Variants in NRXN1 observed in about 807,000 individuals in gnomAD.
The protein encoded by NRXN1 is neurexin 1, also known as neurexin-1.
Under a neutral mutation model 150.9 loss-of-function variants are expected in NRXN1, and 39 were observed. That is an observed-to-expected ratio of 0.26 (90% CI 0.20 to 0.34). The LOEUF (loss-of-function observed/expected upper bound fraction) is 0.34, where lower values mean the gene tolerates loss of function less well. NRXN1 is among the 10% of genes least tolerant of loss of function. NRXN1 has a pLI of 1.00. For synonymous variants in NRXN1, 924 were observed against 757.0 expected (o/e 1.22, Z -3.62); for missense variants, 1,815 against 1,949.9 (o/e 0.93, Z 1.30).
intron 18 of NRXN1, among the ~76,000 whole-genome samples, chr2:50,219,927 TTATATATATTATATATTATA>T (rs761760118): frequency 4.6e-4 from 33 of 72,438 alleles, no homozygotes; most frequent in South Asian, 1.0e-3. Flanking sequence ...TCTCTCTATA[TTATATATATTATATATTATA>T]TATATAATAT....
intron 5 of NRXN1, among the ~76,000 whole-genome samples, chr2:50,887,601 T>C (rs1170440333): frequency 1.3e-5 from 2 of 151,472 alleles, no homozygotes; most frequent in Non-Finnish European, 3.0e-5. Context: ...GTTTACTCTT[T>C]TAATGTCTAT....
intron 17 of NRXN1, among the ~76,000 whole-genome samples, chr2:50,260,722 A>C (rs1211655310): frequency 6.6e-6 from 1 of 151,010 alleles, no homozygotes; most frequent in African/African-American, 2.4e-5. Flanking sequence ...ATTTCTGAAA[A>C]GGAAGACAGT....
intron 5 of NRXN1, among the ~76,000 whole-genome samples, chr2:50,781,263 G>A (rs893453173): frequency 1.3e-5 from 2 of 152,048 alleles, no homozygotes; most frequent in Non-Finnish European, 1.5e-5. Context: ...TTGCTTCAGA[G>A]AGAAACATTA....
chr2:50,480,509 G>C (rs77266994), intron 15 of NRXN1, among the ~76,000 whole-genome samples: 1,892 of 152,266 alleles, frequency 0.012, 24 homozygotes, highest in Middle Eastern at 0.054. Flanking sequence ...CACAAAGAAA[G>C]ACATGCATTT....
At chr2:51,017,503 CTTTTTTTTTTTTTTT>C (rs70958638) in intron 2 of NRXN1, among the ~76,000 whole-genome samples, 1 of 44,300 alleles carries the variant, frequency 2.3e-5, no homozygotes, top group African/African-American at 1.1e-4. Context: ...CCACATCTGG[CTTTTTTTTTTTTTTT>C]TTTTTTTTTT....
chr2:50,502,843 T>C (rs1274304844), intron 13 of NRXN1, among the ~76,000 whole-genome samples: 2 of 152,136 alleles, frequency 1.3e-5, no homozygotes, highest in East Asian at 3.9e-4. Flanking sequence ...ACATTTCTTA[T>C]CTCTGTCTGC....
chr2:50,070,033 G>C (rs965064269), intron 19 of NRXN1, among the ~76,000 whole-genome samples: 1 of 151,800 alleles, frequency 6.6e-6, no homozygotes, highest in African/African-American at 2.4e-5. Flanking sequence ...TGTATTTTTA[G>C]TAGAGACGGG....
intron 5 of NRXN1, among the ~76,000 whole-genome samples, chr2:50,763,284 T>C (rs1401281826): frequency 1.3e-5 from 2 of 152,024 alleles, no homozygotes; most frequent in African/African-American, 2.4e-5. Flanking sequence ...ATTTTCAACA[T>C]TTGTATCAGA....
chr2:50,185,910 T>A (rs886526651), intron 18 of NRXN1, among the ~76,000 whole-genome samples: 1 of 152,110 alleles, frequency 6.6e-6, no homozygotes, highest in Admixed American at 6.6e-5. Flanking sequence ...CAGTGTGTGT[T>A]CCTCTTCAAA....
chr2:50,247,622 C>T (rs1236247937), intron 17 of NRXN1, among the ~76,000 whole-genome samples: 1 of 152,066 alleles, frequency 6.6e-6, no homozygotes, highest in Non-Finnish European at 1.5e-5. Context: ...AATTGAAGGA[C>T]ATTCTAGAAA....
chr2:50,050,832 A>G (rs953475200), intron 21 of NRXN1, among the ~76,000 whole-genome samples: 33 of 152,002 alleles, frequency 2.2e-4, no homozygotes, highest in South Asian at 4.1e-4. Context: ...ATTCATATAT[A>G]TATCTCACTA....
intron 5 of NRXN1, among the ~76,000 whole-genome samples, chr2:50,892,988 A>G (rs750886918): frequency 6.6e-6 from 1 of 152,100 alleles, no homozygotes; most frequent in Non-Finnish European, 1.5e-5. Flanking sequence ...GAAGATTGGG[A>G]CCTGGCCATT....
rs562068133 is a variant in NRXN1, at chr2:50,754,343, A to G, written c.833-130728T>C. The stretch of plus-strand genomic sequence containing the variant: ...AAATTTATATCAAACTGGCTTTAAG[A>G]CTCTTGTAAATTTGTGGGAGCTCCA... On this transcript the variant is annotated intron_variant, in intron 5 of 22. Transcript: ENST00000401669. Among the ~76,000 whole-genome samples, 36 of 151,844 alleles carry G rather than the reference A, an allele frequency of 2.4e-4. No individual in the cohort carries two copies. In the East Asian group the frequency reaches 4.7e-3, roughly 20 times the overall value.
At chr2:50,278,297 ATATATATTTTATATATATAT>A (rs1208986398) in intron 17 of NRXN1, among the ~76,000 whole-genome samples, 11 of 104,756 alleles carry the variant, frequency 1.1e-4, no homozygotes, top group African/African-American at 4.1e-4. Context: ...TACATATATA[ATATATATTTTATATATATAT>A]TATATATATA....
chr2:50,843,745 GAT>G (rs1673215511), intron 5 of NRXN1, among the ~76,000 whole-genome samples: 4 of 148,252 alleles, frequency 2.7e-5, no homozygotes, highest in Non-Finnish European at 6.1e-5. Flanking sequence ...TAAACAACTT[GAT>G]GGTTAATTAC....
At chr2:50,799,528 C>T (rs984346014) in intron 5 of NRXN1, among the ~76,000 whole-genome samples, 5 of 152,086 alleles carry the variant, frequency 3.3e-5, no homozygotes, top group African/African-American at 7.2e-5. Context: ...TAGGATTCTG[C>T]GACCTTATGA....
intron 9 of NRXN1, among the ~76,000 whole-genome samples, chr2:50,546,118 T>C (rs2093488718): frequency 2.0e-5 from 3 of 152,120 alleles, no homozygotes; most frequent in Admixed American, 1.3e-4. Context: ...CCCTCCACTC[T>C]AATCAGACTT....
In NRXN1 at chr2:51,008,208, G is replaced by T. The variant is rs144083323; in HGVS notation, c.772+19294C>A. Among the ~76,000 whole-genome samples, 65 of 151,904 alleles carry T rather than the reference G, an allele frequency of 4.3e-4. 1 individual carries two copies. Among genetic ancestry groups the T allele is most frequent in the African/African-American group, 1.5e-3 (63 of 41,488 alleles). On this transcript the variant is annotated intron_variant, in intron 2 of 22. Coordinates refer to ENST00000401669, the MANE Select transcript of NRXN1 (RefSeq NM_001330078.2). Reference sequence around the variant, plus strand: ...ATGTCAAATCAATTAAACCCAAGCAGTGCTCCAAATCAAACAAAGAAGAGA... The same window carrying T: ...ATGTCAAATCAATTAAACCCAAGCATTGCTCCAAATCAAACAAAGAAGAGA...
intron 18 of NRXN1, among the ~76,000 whole-genome samples, chr2:50,233,712 T>C (rs191303446): frequency 1.3e-3 from 196 of 152,222 alleles, no homozygotes; most frequent in African/African-American, 4.5e-3. Flanking sequence ...GATAAAAATG[T>C]ATCATTGATA....
Sources: gnomAD v4.1 joint callset for allele counts (sites outside exome capture counted in the v4.1 genomes callset) on GRCh38, gnomAD v4.1.1 for gene constraint, MANE v1.5 for transcripts, NCBI Gene and HGNC (gene_info 2026-07-23, HGNC 2026-07-21) for gene names.